Variants in HDAC6 observed in about 807,000 individuals in gnomAD.
HDAC6 encodes protein deacetylase HDAC6.
A neutral mutation model predicts 88.9 loss-of-function variants in HDAC6; 5 were observed. That is an observed-to-expected ratio of 0.06 (90% CI 0.03 to 0.12). HDAC6 has a LOEUF of 0.12. Ranked by LOEUF, HDAC6 falls within the 10% of genes least tolerant of loss-of-function variation. HDAC6 has a pLI of 1.00. For synonymous variants in HDAC6, 378 were observed against 398.0 expected (o/e 0.95, Z 0.60); for missense variants, 706 against 1,014.4 (o/e 0.70, Z 4.13).
rs782218086 is a variant in HDAC6, at chrX:48,817,741, G to C, written c.1925+282G>C. 3 of 414,159 alleles carry C rather than the reference G, an allele frequency of 7.2e-6. No homozygotes were observed. In the South Asian group the frequency reaches 1.3e-4, roughly 18 times the overall value. 34.1% of individuals were successfully genotyped at this position (414,159 alleles called of 1,213,427 possible). On this transcript the variant is annotated intron_variant, in intron 20 of 28. Transcript: ENST00000334136. ...ATAGCAGCTGCCTCGACAGAACCCA[G>C]GTCTAGGCTCCTGATGCATACTCCA...
intron 8 of HDAC6, 120 bp downstream of exon 8, chrX:48,806,826 T>C (rs2062826496): frequency 4.4e-6 from 2 of 456,451 alleles, no homozygotes; most frequent in Admixed American, 4.6e-5. Context: ...AAAAAGAGAA[T>C]ATAATTAAAA....
rs1557027478 is a variant in HDAC6 at position 48,815,998 on chromosome X, G to A, written c.1439G>A (p.Arg480His). Reference sequence around the variant, plus strand: ...CTGACATGGCCAGTGCTACAGTCTCGCACAGGGCTGGTCTATGACCAAAAT... The same window carrying A: ...CTGACATGGCCAGTGCTACAGTCTCACACAGGGCTGGTCTATGACCAAAAT... ...PILTWPVLQS[R>H]TGLVYDQNMM... Residue 480 changes from arginine to histidine, a missense_variant, in exon 17 of 29, where the codon CGC becomes CAC. This residue lies in a region of HDAC6 where 106 missense variants were observed against 135.1 expected (regional missense o/e 0.78). Transcript: ENST00000334136. 5.0e-6 allele frequency: 6 copies of A among 1,211,379 alleles called. No individual in the cohort carries two copies. Among genetic ancestry groups the A allele is most frequent in the South Asian group, 1.8e-5 (1 of 56,963 alleles).
At position 48,824,847 on chromosome X, in the gene HDAC6, A is replaced by G. The variant is rs2147397012; in HGVS notation, c.*235A>G. The G allele has an allele frequency of 5.3e-6, 6 of 1,122,371 alleles. No homozygotes were observed. The East Asian group carries it at 2.1e-4, about 39-fold the overall frequency. The allele number at this position is 1,122,371 out of a possible 1,213,427, so 92.5% of individuals were successfully genotyped here. ...TTGAGGGGCACCACTACTCCAGCCC[A>G]GAAGGAAAGGGGGGCAGCTCAGTGG... On this transcript the variant is annotated 3_prime_UTR_variant, in exon 29 of 29. Coordinates refer to ENST00000334136, the MANE Select transcript of HDAC6 (RefSeq NM_006044.4).
intron 16 of HDAC6, 77 bp from the exon 17 acceptor site, chrX:48,815,807 T>C: frequency 9.0e-7 from 1 of 1,112,553 alleles, no homozygotes; most frequent in Non-Finnish European, 1.2e-6. Flanking sequence ...CCTTTTTCTG[T>C]TTGGGTCACC....
At chrX:48,819,831 T>C (rs1159787612) in intron 22 of HDAC6, 6 of 428,688 alleles carry the variant, frequency 1.4e-5, no homozygotes, top group African/African-American at 4.9e-5. Flanking sequence ...TGAGCCACCA[T>C]GCCCGGCCCC....
At chrX:48,817,124 C>T (rs1188706820) in intron 19 of HDAC6, 6 of 346,590 alleles carry the variant, frequency 1.7e-5, no homozygotes, top group South Asian at 7.4e-5. Flanking sequence ...TGGCAGCAAG[C>T]GCCTGTAGTC....
rs782415406 is a variant in HDAC6, at chrX:48,822,807, G to T, written c.2512+13G>T. Reference sequence around the variant, plus strand: ...TTACGGGTCATGAGTGAGTGGATTTGGGGGTGATGGGGGGAACCCAGGGAA... The same window carrying T: ...TTACGGGTCATGAGTGAGTGGATTTTGGGGTGATGGGGGGAACCCAGGGAA... On this transcript the variant is annotated intron_variant, in intron 24 of 28. Coordinates refer to ENST00000334136, the MANE Select transcript of HDAC6 (RefSeq NM_006044.4). 1.4e-5 allele frequency: 16 copies of T among 1,177,194 alleles called. No homozygotes were observed. The highest frequency in any genetic ancestry group is 1.8e-5 in the Non-Finnish European group (16 of 876,303).
At chrX:48,820,003 G>C (rs1557029177) in intron 22 of HDAC6, 103 bp from the exon 23 acceptor site, 2 of 814,017 alleles carry the variant, frequency 2.5e-6, no homozygotes, top group South Asian at 4.2e-5. Context: ...GCATCTCCAT[G>C]TCTTCATTTG....
chrX:48,817,453 C>T lies in HDAC6; in HGVS notation c.1919C>T (p.Ala640Val), dbSNP rs1557028057. 8.3e-7 allele frequency: 1 copy of T among 1,207,419 alleles called. No individual in the cohort carries two copies. The highest frequency in any genetic ancestry group is 3.0e-5 in the East Asian group (1 of 33,738). ...CATGCCCAGACTATCAGTGGGCATGCCCTACGGTAAGGACTCCCTGGGGAC... is the reference window on the plus strand; with the variant it reads ...CATGCCCAGACTATCAGTGGGCATGTCCTACGGTAAGGACTCCCTGGGGAC... ...ARHAQTISGH[A>V]LRILIVDWDV... The change falls in exon 20 of 29, where the codon GCC (alanine) becomes GTC (valine). Residue 640 changes from alanine (A) to valine (V), a missense_variant. Physicochemically the swap from Ala to Val is moderately conservative, Grantham distance 64. Transcript: ENST00000334136.
Position 48,817,136 on chromosome X carries a change from T to C in HDAC6, c.1792-190T>C, listed in dbSNP as rs782165694. 21 of 397,996 alleles carry C rather than the reference T, an allele frequency of 5.3e-5. No individual in the cohort carries two copies. In the South Asian group the frequency reaches 9.1e-4, roughly 17 times the overall value. The allele number at this position is 397,996 out of a possible 1,213,427, so 32.8% of individuals were successfully genotyped here. A position where few individuals can be genotyped will look rare whatever the true frequency, so the allele number is the denominator to read the frequency against. On this transcript the variant is annotated intron_variant, in intron 19 of 28. Transcript: ENST00000334136. The stretch of plus-strand genomic sequence containing the variant: ...GCGTGGCAGCAAGCGCCTGTAGTCC[T>C]AGCTACTCAGGAGGCTGAGGCAGGA...
intron 6 of HDAC6, chrX:48,805,956 A>G (rs1557024148): frequency 2.4e-6 from 1 of 408,991 alleles, no homozygotes; most frequent in Non-Finnish European, 4.3e-6. Context: ...TAGATGGTGG[A>G]TGTGTGGACA....
At chrX:48,812,238 T>G (rs782792078) in intron 10 of HDAC6, among the ~76,000 whole-genome samples, 1 of 112,565 alleles carries the variant, frequency 8.9e-6, no homozygotes, top group South Asian at 3.6e-4. Context: ...TCTTCCTTAT[T>G]AACAAACGTG....
chrX:48,820,016 C>G (rs1569505040), intron 22 of HDAC6, 90 bp from the exon 23 acceptor site: 1 of 946,172 alleles, frequency 1.1e-6, no homozygotes. Context: ...TTCATTTGTC[C>G]TTTTCTCCAT....
rs1557029248 is a variant in HDAC6 at position 48,820,152 on chromosome X, G to A, written c.2234G>A (p.Arg745Gln). The A allele has an allele frequency of 2.5e-6, 3 of 1,210,550 alleles. No individual in the cohort carries two copies. Among genetic ancestry groups the A allele is most frequent in the East Asian group, 3.0e-5 (1 of 33,840 alleles). Residue 745 changes from arginine to glutamine, a missense_variant, in exon 23 of 29, where the codon CGG becomes CAG. Arg to Gln is a conservative substitution (Grantham distance 43). Around this residue, in one of 9 missense-constraint regions of HDAC6, gnomAD observed 138 missense variants for 303.5 expected, o/e 0.45. Coordinates refer to ENST00000334136, the MANE Select transcript of HDAC6 (RefSeq NM_006044.4). ...GTCTCAGCTGGCTTTGATGCTGCAC[G>A]GGGGGATCCGCTGGGGGGCTGCCAG... is the stretch of plus-strand genomic sequence containing the variant. ...VLVSAGFDAA[R>Q]GDPLGGCQVS...
chrX:48,802,654 C>T lies in HDAC6; in HGVS notation c.-30-9C>T, dbSNP rs782775597. 4.0e-5 allele frequency: 47 copies of T among 1,178,800 alleles called. No individual in the cohort carries two copies. The East Asian group carries it at 1.1e-3, about 27-fold the overall frequency. Reference sequence around the variant, plus strand: ...CCTCACATACCCACGCTCCTCCCCCCACCCCCAGAACCGCGGCAGGGGCCA... The same window carrying T: ...CCTCACATACCCACGCTCCTCCCCCTACCCCCAGAACCGCGGCAGGGGCCA... On this transcript the variant is annotated splice_polypyrimidine_tract_variant and intron_variant, in intron 1 of 28. Coordinates refer to ENST00000334136, the MANE Select transcript of HDAC6 (RefSeq NM_006044.4).
At chrX:48,807,123 T>C (rs1301787008) in intron 8 of HDAC6, among the ~76,000 whole-genome samples, 1 of 112,499 alleles carries the variant, frequency 8.9e-6, no homozygotes, top group African/African-American at 3.2e-5. Context: ...ACTGATGAAA[T>C]GCAAAAGCTT....
chrX:48,801,749 G>A, upstream of HDAC6: 2 of 683,755 alleles, frequency 2.9e-6, no homozygotes, highest in Non-Finnish European at 3.9e-6. Context: ...GAGCTCGCGA[G>A]AGGTGTGGCT....
At chrX:48,815,324 T>A in intron 14 of HDAC6, 60 bp from the exon 15 acceptor site, 1 of 822,663 alleles carries the variant, frequency 1.2e-6, no homozygotes, top group Non-Finnish European at 1.8e-6. Flanking sequence ...TCATCATTAT[T>A]ATTATTCCCT....
chrX:48,816,331 G>A (rs182854777), intron 18 of HDAC6, 62 bp downstream of exon 18: 2 of 1,157,722 alleles, frequency 1.7e-6, no homozygotes, highest in East Asian at 6.3e-5. Context: ...CTCAGGGGCT[G>A]GAACTTGGGT....
Sources: allele counts gnomAD v4.1 joint callset (sites outside exome capture counted in the v4.1 genomes callset), GRCh38; gene constraint gnomAD v4.1.1; regional missense constraint gnomAD v4.1.1; transcripts MANE v1.5; gene names NCBI Gene and HGNC (gene_info 2026-07-23, HGNC 2026-07-21).